ARFGEF3: variants seen among roughly 807,000 people sequenced by gnomAD.
The protein encoded by ARFGEF3 is brefeldin A-inhibited guanine nucleotide-exchange protein 3.
ARFGEF3 carries 96 observed loss-of-function variants against 221.7 expected under a neutral mutation model. That is an observed-to-expected ratio of 0.43 (90% confidence interval 0.37 to 0.51). The LOEUF (loss-of-function observed/expected upper bound fraction) is 0.51, where lower values mean the gene tolerates loss of function less well. Ranked by LOEUF, ARFGEF3 falls within the 20% of genes least tolerant of loss-of-function variation. The probability of loss-of-function intolerance (pLI) is 0.00; values close to 1 mark genes in which losing one functional copy is unlikely to be tolerated. For synonymous variants in ARFGEF3, 1,145 were observed against 1,126.8 expected (o/e 1.02, Z -0.32); for missense variants, 2,410 against 2,789.9 (o/e 0.86, Z 3.07).
At chr6:138,297,099 T>C (rs1331528606) in intron 21 of ARFGEF3, 144 bp downstream of exon 21, 30 of 880,536 alleles carry the variant, frequency 3.4e-5, no homozygotes, top group Non-Finnish European at 5.1e-5. Flanking sequence ...GTCACAAACA[T>C]CACTGTTTTC....
chr6:138,308,468 C>T (rs1192709686), intron 23 of ARFGEF3, among the ~76,000 whole-genome samples: 2 of 152,156 alleles, frequency 1.3e-5, no homozygotes, highest in East Asian at 3.9e-4. Flanking sequence ...TTCCAGAGGC[C>T]ACATGGTTCC....
chr6:138,331,995 G>A (rs779174083), intron 32 of ARFGEF3, among the ~76,000 whole-genome samples: 23 of 151,824 alleles, frequency 1.5e-4, no homozygotes, highest in Non-Finnish European at 2.9e-4. Flanking sequence ...ATCTCTCAAA[G>A]CATCCAAAAA....
At position 138,308,723 on chromosome 6, in the gene ARFGEF3, A is replaced by T; in HGVS notation, c.3974-16A>T. The T allele has an allele frequency of 6.2e-7, 1 of 1,613,638 alleles. No homozygotes were observed. The highest frequency in any genetic ancestry group is 8.5e-7 in the Non-Finnish European group (1 of 1,179,714). On this transcript the variant is annotated splice_polypyrimidine_tract_variant and intron_variant, in intron 23 of 33. Transcript: ENST00000251691. ...GAAACTTACTTTCTTACAATTCTAT[A>T]ATCTTCCTCCCTTAGGAAAAGGCCA...
At chr6:138,233,002 A>G (rs1351563617) in intron 5 of ARFGEF3, among the ~76,000 whole-genome samples, 2 of 152,316 alleles carry the variant, frequency 1.3e-5, no homozygotes, top group South Asian at 2.1e-4. Context: ...AACCAACTGA[A>G]GTGCTTAGGA....
chr6:138,229,526 G>T (rs572187969), intron 4 of ARFGEF3, among the ~76,000 whole-genome samples: 1 of 152,344 alleles, frequency 6.6e-6, no homozygotes, highest in Non-Finnish European at 1.5e-5. Flanking sequence ...GTTGAGAGAT[G>T]CTGTTTCTGG....
At chr6:138,319,150 C>G (rs926087321) in intron 27 of ARFGEF3, among the ~76,000 whole-genome samples, 5 of 148,490 alleles carry the variant, frequency 3.4e-5, no homozygotes, top group African/African-American at 1.2e-4. Context: ...AGGGATTTCA[C>G]AATGTCGCCC....
rs375947636 is a variant in ARFGEF3 at position 138,289,214 on chromosome 6, A to G, written c.2897-604A>G. On this transcript the variant is annotated intron_variant, in intron 17 of 33. Transcript: ENST00000251691. ...GTGATCCACCTGCCTTGGCCTCCCA[A>G]TGTGCTGGGATTACAGATGTGAGCC... Among the ~76,000 whole-genome samples the G allele has an allele frequency of 1.2e-3, 189 of 152,276 alleles. 1 individual carries two copies. The highest frequency in any genetic ancestry group is 3.4e-3 in the Middle Eastern group (1 of 294).
At chr6:138,165,757 G>C (rs1776712409) in intron 1 of ARFGEF3, among the ~76,000 whole-genome samples, 1 of 152,188 alleles carries the variant, frequency 6.6e-6, no homozygotes, top group Admixed American at 6.5e-5. Flanking sequence ...ATAGGAGAGA[G>C]GGTCATCCGA....
chr6:138,175,412 A>G (rs1324699054), intron 2 of ARFGEF3, among the ~76,000 whole-genome samples: 1 of 152,156 alleles, frequency 6.6e-6, no homozygotes, highest in Non-Finnish European at 1.5e-5. Context: ...AGGTCTCCTT[A>G]CATGCATCTT....
chr6:138,334,724 A>T lies in ARFGEF3; in HGVS notation c.5878A>T (p.Thr1960Ser), dbSNP rs774822217. Residue 1960 changes from threonine to serine, a missense_variant, in exon 33 of 34, where the codon ACC (threonine) becomes TCC (serine). Physicochemically the swap from Thr to Ser is moderately conservative, Grantham distance 58. Around this residue, in one of 5 missense-constraint regions of ARFGEF3, gnomAD observed 339 missense variants for 334.9 expected, o/e 1.01. Transcript: ENST00000251691. This position sits in a 1 kb window ranked among gnomAD's most constrained non-coding sequence, Gnocchi z 5.1. Reference sequence around the variant, plus strand: ...CACCGGGGGCTTCTCTGGGAAAGAAACCCCTTCCGAGGATGACAGAAGCCA... The same window carrying T: ...CACCGGGGGCTTCTCTGGGAAAGAATCCCCTTCCGAGGATGACAGAAGCCA... ...PSTGGFSGKETPSEDDRSQSR... is the reference protein window; with the variant it reads ...PSTGGFSGKESPSEDDRSQSR... 1 of 1,605,728 alleles carries T rather than the reference A, an allele frequency of 6.2e-7. No homozygotes were observed. The highest frequency in any genetic ancestry group is 8.5e-7 in the Non-Finnish European group (1 of 1,175,274).
At chr6:138,165,268 C>T (rs1776702143) in intron 1 of ARFGEF3, among the ~76,000 whole-genome samples, 1 of 150,784 alleles carries the variant, frequency 6.6e-6, no homozygotes, top group South Asian at 2.1e-4. Flanking sequence ...CTGAGACCCT[C>T]ATGGGAGAGA....
intron 7 of ARFGEF3, among the ~76,000 whole-genome samples, chr6:138,243,402 G>T (rs1423010033): frequency 6.6e-6 from 1 of 152,138 alleles, no homozygotes; most frequent in Non-Finnish European, 1.5e-5. Flanking sequence ...CCAATTTTTT[G>T]ACATGAATGA....
chr6:138,286,234 A>C (rs996451395), intron 15 of ARFGEF3, among the ~76,000 whole-genome samples, 181 bp downstream of exon 15: 2 of 152,200 alleles, frequency 1.3e-5, no homozygotes, highest in Non-Finnish European at 2.9e-5. Context: ...GCAGATCACG[A>C]GGTCAGGAGA....
rs1243102534 is a variant in ARFGEF3, at chr6:138,344,435, A to G, written c.*7949A>G. ...AAATCACACTCCTTTATATGTTGATATAACTGATTTTATAGAATCTGTCTG... is the reference window on the plus strand; with the variant it reads ...AAATCACACTCCTTTATATGTTGATGTAACTGATTTTATAGAATCTGTCTG... On this transcript the variant is annotated 3_prime_UTR_variant, in exon 34 of 34. Coordinates refer to ENST00000251691, the MANE Select transcript of ARFGEF3 (RefSeq NM_020340.5). 6.6e-6 allele frequency: 1 copy of G among 152,212 alleles called. No individual in the cohort carries two copies. 9.4% of individuals were successfully genotyped at this position (152,212 alleles called of 1,614,324 possible). A position where few individuals can be genotyped will look rare whatever the true frequency, so the allele number is the denominator to read the frequency against.
chr6:138,201,905 T>G (rs977364346), intron 2 of ARFGEF3, among the ~76,000 whole-genome samples: 1 of 152,218 alleles, frequency 6.6e-6, no homozygotes, highest in Non-Finnish European at 1.5e-5. Context: ...TGTTCCCTAT[T>G]TTAATTTCCC....
Position 138,310,719 on chromosome 6 carries a change from C to T in ARFGEF3, c.4097-688C>T, listed in dbSNP as rs569405711. On this transcript the variant is annotated intron_variant, in intron 24 of 33. Transcript: ENST00000251691. ...TTGATTAAATGTATAGAAATAGATT[C>T]GAGAAGAAAAATTATAATAATTCAG... is the stretch of plus-strand genomic sequence containing the variant. 1.1e-4 allele frequency among the ~76,000 whole-genome samples: 17 copies of T among 152,142 alleles called. 1 individual carries two copies. Among genetic ancestry groups the T allele is most frequent in the Non-Finnish European group, 1.8e-4 (12 of 68,006 alleles).
chr6:138,328,662 A>C (rs1313072844), intron 32 of ARFGEF3, among the ~76,000 whole-genome samples: 4 of 152,106 alleles, frequency 2.6e-5, no homozygotes, highest in Non-Finnish European at 4.4e-5. Context: ...CAACATAGGA[A>C]TTTGGGGGAA....
intron 8 of ARFGEF3, among the ~76,000 whole-genome samples, chr6:138,246,625 G>C (rs1778490987): frequency 6.6e-6 from 1 of 152,160 alleles, no homozygotes; most frequent in Admixed American, 6.5e-5. Context: ...TTTGACCAAA[G>C]TAAGCTCTCT....
intron 2 of ARFGEF3, among the ~76,000 whole-genome samples, chr6:138,185,672 C>T (rs1250660534): frequency 6.6e-6 from 1 of 152,062 alleles, no homozygotes; most frequent in Admixed American, 6.6e-5. Flanking sequence ...AGGTATGGGA[C>T]CTTAGAGGTA....
Sources: gnomAD v4.1 joint callset for allele counts (sites outside exome capture counted in the v4.1 genomes callset) on GRCh38, gnomAD v4.1.1 for gene constraint, gnomAD v4.1.1 regional missense constraint, Gnocchi (gnomAD v3.1) non-coding constraint, MANE v1.5 for transcripts, NCBI Gene and HGNC (gene_info 2026-07-23, HGNC 2026-07-21) for gene names.